The following BDH2 variants were observed in gnomAD, a reference collection of about 807,000 sequenced individuals.
BDH2 encodes dehydrogenase/reductase SDR family member 6.
BDH2 carries 24 observed loss-of-function variants against 33.2 expected under a neutral mutation model. The observed-to-expected ratio is 0.72, with a 90% confidence interval of 0.52 to 1.02. The LOEUF is 1.02. Ranked by LOEUF, BDH2 falls within the 50% of genes least tolerant of loss-of-function variation. The probability of loss-of-function intolerance (pLI) is 0.00; values close to 1 mark genes in which losing one functional copy is unlikely to be tolerated. For missense variants in BDH2, 249 were observed against 301.6 expected, an observed-to-expected ratio of 0.83 and a Z score of 1.29; for synonymous variants, 81 against 101.6, an observed-to-expected ratio of 0.80 and a Z score of 1.22.
In BDH2 at chr4:103,096,172, T is replaced by G; in HGVS notation, c.72+11A>C. 6.2e-7 allele frequency: 1 copy of G among 1,605,434 alleles called. No homozygotes were observed. Reference sequence around the variant, plus strand: ...GTAGGCAAACAACAAAGATAGTAACTTATAACTTACTAAGGCAGCTGCTTG... The same window carrying G: ...GTAGGCAAACAACAAAGATAGTAACGTATAACTTACTAAGGCAGCTGCTTG... On this transcript the variant is annotated intron_variant, in intron 2 of 9. Coordinates refer to ENST00000296424, the MANE Select transcript of BDH2 (RefSeq NM_020139.4).
chr4:103,096,312 C>T, intron 1 of BDH2, 38 bp from the exon 2 acceptor site: 1 of 1,355,998 alleles, frequency 7.4e-7, no homozygotes, highest in Non-Finnish European at 1.1e-6. Flanking sequence ...TACTGTAGAA[C>T]ATGATCTTGA....
chr4:103,083,294 T>TA (rs1408186724), intron 7 of BDH2, among the ~76,000 whole-genome samples: 1 of 152,214 alleles, frequency 6.6e-6, no homozygotes, highest in South Asian at 2.1e-4. Flanking sequence ...GAGATGTAGA[T>TA]AAAATCGTAC....
At chr4:103,082,267 C>T (rs2110695067) in intron 8 of BDH2, 94 bp from the exon 9 acceptor site, 1 of 1,034,184 alleles carries the variant, frequency 9.7e-7, no homozygotes, top group African/African-American at 1.6e-5. Flanking sequence ...AGAGAATCCA[C>T]TGGCTTGCTG....
chr4:103,080,035 T>C (rs1747431744), intron 9 of BDH2, among the ~76,000 whole-genome samples: 1 of 152,240 alleles, frequency 6.6e-6, no homozygotes, highest in South Asian at 2.1e-4. Context: ...AACAGTGATG[T>C]ATAGCCATTC....
rs764498533 is a variant in BDH2, at chr4:103,085,468, G to A, written c.419-6C>T. On this transcript the variant is annotated splice_polypyrimidine_tract_variant and splice_region_variant and intron_variant, in intron 6 of 9. Coordinates refer to ENST00000296424, the MANE Select transcript of BDH2 (RefSeq NM_020139.4). ...CACACATCTGTTCACAACTCCTGAGGGTGGAGGAAAGGTTCAACAATTGAA... is the reference window on the plus strand; with the variant it reads ...CACACATCTGTTCACAACTCCTGAGAGTGGAGGAAAGGTTCAACAATTGAA... The A allele has an allele frequency of 6.2e-7, 1 of 1,606,774 alleles. No homozygotes were observed. Among genetic ancestry groups the A allele is most frequent in the East Asian group, 2.2e-5 (1 of 44,800 alleles).
chr4:103,080,306 T>C (rs1747444302), intron 9 of BDH2, among the ~76,000 whole-genome samples: 2 of 152,358 alleles, frequency 1.3e-5, no homozygotes, highest in Middle Eastern at 3.4e-3. Context: ...CATTAAGCTA[T>C]AAAAATATTC....
In BDH2 at chr4:103,094,087, G is replaced by C. The variant is rs538801079; in HGVS notation, c.151+1116C>G. Among the ~76,000 whole-genome samples, 10 of 152,226 alleles carry C rather than the reference G, an allele frequency of 6.6e-5. No homozygotes were observed. The South Asian group carries it at 2.1e-3, about 32-fold the overall frequency. Reference sequence around the variant, plus strand: ...CTGCAATTAAAATCCTTTGGTGTTGGAGTTTGGTTCAGTGGGGTGAAGAAG... The same window carrying C: ...CTGCAATTAAAATCCTTTGGTGTTGCAGTTTGGTTCAGTGGGGTGAAGAAG... On this transcript the variant is annotated intron_variant, in intron 3 of 9. Coordinates refer to ENST00000296424, the MANE Select transcript of BDH2 (RefSeq NM_020139.4).
At chr4:103,098,965 A>G (rs1298630743) in intron 1 of BDH2, 1 of 152,202 alleles carries the variant, frequency 6.6e-6, no homozygotes, top group African/African-American at 2.4e-5. Flanking sequence ...TGGCTTTAAC[A>G]GTGCCTGACC....
intron 5 of BDH2, among the ~76,000 whole-genome samples, chr4:103,090,240 T>C (rs988408502): frequency 6.6e-6 from 1 of 152,224 alleles, no homozygotes; most frequent in African/African-American, 2.4e-5. Flanking sequence ...TCATTTGAAA[T>C]CAGGGATGTA....
intron 9 of BDH2, among the ~76,000 whole-genome samples, chr4:103,080,881 C>G (rs774507555): frequency 1.3e-5 from 2 of 152,200 alleles, no homozygotes; most frequent in Non-Finnish European, 2.9e-5. Flanking sequence ...AAACATTTGT[C>G]TATTAATTTC....
chr4:103,092,368 G>T, intron 4 of BDH2: 1 of 537,516 alleles, frequency 1.9e-6, no homozygotes, highest in Non-Finnish European at 3.3e-6. Context: ...CTTTGTATCA[G>T]TACCATCTGT....
chr4:103,092,368 G>A, intron 4 of BDH2: 1 of 537,516 alleles, frequency 1.9e-6, no homozygotes, highest in Non-Finnish European at 3.3e-6. Context: ...CTTTGTATCA[G>A]TACCATCTGT....
intron 5 of BDH2, among the ~76,000 whole-genome samples, chr4:103,087,402 C>T (rs779511965): frequency 3.9e-5 from 6 of 152,132 alleles, no homozygotes; most frequent in Non-Finnish European, 7.4e-5. Flanking sequence ...CTAGTGGAAG[C>T]TGATGCAGGC....
At position 103,091,215 on chromosome 4, in the gene BDH2, G is replaced by A. The variant is rs192392266; in HGVS notation, c.319C>T (p.Arg107Cys). The A allele has an allele frequency of 1.0e-4, 165 of 1,612,982 alleles. No homozygotes were observed. The East Asian group carries it at 3.0e-3, about 29-fold the overall frequency. Residue 107 changes from arginine (R) to cysteine (C), a missense_variant, in exon 5 of 10, where the codon CGC (arginine) becomes TGC (cysteine). Physicochemically the swap from Arg to Cys is radical, Grantham distance 180. Transcript: ENST00000296424. ...DWDFSMNLNV[R>C]SMYLMIKAFL... The stretch of plus-strand genomic sequence containing the variant: ...GCCTTGATCATCAGGTACATGCTGC[G>A]CACATTGAGATTCATCGAGAAGTCC...
intron 7 of BDH2, among the ~76,000 whole-genome samples, chr4:103,084,662 G>A (rs530746841): frequency 1.2e-4 from 18 of 152,218 alleles, no homozygotes; most frequent in South Asian, 2.1e-4. Flanking sequence ...TTTTCTTAGC[G>A]TTACCTACGT....
At chr4:103,087,175 G>T (rs1279801881) in intron 5 of BDH2, among the ~76,000 whole-genome samples, 2 of 152,184 alleles carry the variant, frequency 1.3e-5, no homozygotes, top group South Asian at 2.1e-4. Context: ...TGAGGAGTGG[G>T]TACACAGGTA....
chr4:103,097,846 G>A (rs1748482576), intron 1 of BDH2: 1 of 152,154 alleles, frequency 6.6e-6, no homozygotes, highest in African/African-American at 2.4e-5. Context: ...CAATCACTCT[G>A]TTCCATTATC....
chr4:103,089,811 T>A (rs1303014767), intron 5 of BDH2, among the ~76,000 whole-genome samples: 2 of 152,090 alleles, frequency 1.3e-5, no homozygotes, highest in Non-Finnish European at 2.9e-5. Flanking sequence ...TCTCATAAAC[T>A]CCAAATAGGC....
intron 4 of BDH2, 64 bp from the exon 5 acceptor site, chr4:103,091,349 A>G: frequency 7.7e-6 from 8 of 1,036,790 alleles, no homozygotes; most frequent in South Asian, 1.3e-5. Flanking sequence ...CCATCTGCTG[A>G]TTATTTTTAT....
Sources: gnomAD v4.1 joint callset for allele counts (sites outside exome capture counted in the v4.1 genomes callset) on GRCh38, gnomAD v4.1.1 for gene constraint, MANE v1.5 for transcripts, NCBI Gene and HGNC (gene_info 2026-07-23, HGNC 2026-07-21) for gene names.